The following HS6ST3 variants were observed in gnomAD, a reference collection of about 807,000 sequenced individuals.
HS6ST3 encodes the protein heparan sulfate 6-O-sulfotransferase 3.
In HS6ST3, 12 loss-of-function variants were observed where a neutral mutation model predicts 36.7. The ratio of observed to expected loss-of-function variants is 0.33; its 90% CI spans 0.21 to 0.53. The LOEUF is 0.53. Ranked by LOEUF, HS6ST3 falls within the 20% of genes least tolerant of loss-of-function variation. The probability of loss-of-function intolerance (pLI) is 0.95; values close to 1 mark genes in which losing one functional copy is unlikely to be tolerated. For missense variants in HS6ST3, 584 were observed against 640.9 expected (o/e 0.91, Z 0.96); for synonymous variants, 240 against 257.5 (o/e 0.93, Z 0.65).
intron 1 of HS6ST3, among the ~76,000 whole-genome samples, chr13:96,325,249 G>T (rs975325666): frequency 1.3e-5 from 2 of 152,102 alleles, no homozygotes; most frequent in Admixed American, 1.3e-4. Context: ...TTGAAATGCA[G>T]TTATATAAAT....
intron 1 of HS6ST3, among the ~76,000 whole-genome samples, chr13:96,801,877 T>C (rs1878081777): frequency 6.6e-6 from 1 of 152,132 alleles, no homozygotes; most frequent in African/African-American, 2.4e-5. Context: ...TAATGGGATT[T>C]ATCATCTCAC....
chr13:96,797,377 T>A (rs1400207196), intron 1 of HS6ST3, among the ~76,000 whole-genome samples: 1 of 152,072 alleles, frequency 6.6e-6, no homozygotes, highest in Non-Finnish European at 1.5e-5. Context: ...TGTAAACCCC[T>A]GGAGTAGCTC....
chr13:96,130,834 C>T (rs2053971925), intron 1 of HS6ST3, among the ~76,000 whole-genome samples: 1 of 145,962 alleles, frequency 6.9e-6, no homozygotes, highest in Non-Finnish European at 1.5e-5. Context: ...GAACTTCCTC[C>T]TTCAATTATT....
chr13:96,643,536 A>G (rs992061232), intron 1 of HS6ST3, among the ~76,000 whole-genome samples: 1 of 151,880 alleles, frequency 6.6e-6, no homozygotes, highest in African/African-American at 2.4e-5. Flanking sequence ...GGTAGTAGTT[A>G]AAATTTAAAC....
At chr13:96,126,300 C>T (rs1218146127) in intron 1 of HS6ST3, among the ~76,000 whole-genome samples, 2 of 152,180 alleles carry the variant, frequency 1.3e-5, no homozygotes, top group South Asian at 2.1e-4. Flanking sequence ...CGCTTGGTCT[C>T]CTCCAGCACC....
chr13:96,198,256 G>A (rs892793315), intron 1 of HS6ST3, among the ~76,000 whole-genome samples: 43 of 152,156 alleles, frequency 2.8e-4, no homozygotes, highest in Admixed American at 2.4e-3. Context: ...CCACGAAACC[G>A]CTTTTTCCTC....
chr13:96,673,486 T>C (rs1465593426), intron 1 of HS6ST3, among the ~76,000 whole-genome samples: 1 of 152,170 alleles, frequency 6.6e-6, no homozygotes, highest in Admixed American at 6.5e-5. Flanking sequence ...AATCATTTTG[T>C]TTTGTAGGCA....
At chr13:96,716,740 T>G (rs759859355) in intron 1 of HS6ST3, among the ~76,000 whole-genome samples, 6 of 152,244 alleles carry the variant, frequency 3.9e-5, no homozygotes, top group Non-Finnish European at 8.8e-5. Flanking sequence ...TATCTCTAGC[T>G]GTTTTATTTC....
At chr13:96,512,806 G>C (rs760651154) in intron 1 of HS6ST3, among the ~76,000 whole-genome samples, 2 of 151,648 alleles carry the variant, frequency 1.3e-5, no homozygotes, top group Non-Finnish European at 2.9e-5. Context: ...TTTTCTGTGG[G>C]TAATTATATC....
chr13:96,331,081 C>A (rs1377322273), intron 1 of HS6ST3, among the ~76,000 whole-genome samples: 37 of 152,188 alleles, frequency 2.4e-4, no homozygotes, highest in Non-Finnish European at 3.4e-4. Flanking sequence ...GTTATACATT[C>A]TGTTAAATTT....
chr13:96,234,153 T>C (rs890948394), intron 1 of HS6ST3, among the ~76,000 whole-genome samples: 1 of 151,396 alleles, frequency 6.6e-6, no homozygotes, highest in Non-Finnish European at 1.5e-5. Context: ...CTCACGCCTG[T>C]AATCCCAGCA....
chr13:96,389,322 C>G (rs759298840), intron 1 of HS6ST3, among the ~76,000 whole-genome samples: 2 of 151,870 alleles, frequency 1.3e-5, no homozygotes, highest in Non-Finnish European at 2.9e-5. Flanking sequence ...ACTATAGTAA[C>G]GATTTTACTA....
intron 1 of HS6ST3, among the ~76,000 whole-genome samples, chr13:96,363,657 C>T (rs1295172040): frequency 6.6e-6 from 1 of 151,978 alleles, no homozygotes; most frequent in Non-Finnish European, 1.5e-5. Context: ...TCTTTTTAGA[C>T]CATCACCACA....
At chr13:96,727,490 C>A (rs1228787740) in intron 1 of HS6ST3, among the ~76,000 whole-genome samples, 1 of 152,092 alleles carries the variant, frequency 6.6e-6, no homozygotes. Context: ...CATCCCTTTT[C>A]TCCTACAATC....
chr13:96,245,548 C>A (rs1594729791), intron 1 of HS6ST3, among the ~76,000 whole-genome samples: 1 of 152,264 alleles, frequency 6.6e-6, no homozygotes, highest in East Asian at 1.9e-4. Context: ...GGTCCTCTTT[C>A]TAGACCCTAT....
intron 1 of HS6ST3, among the ~76,000 whole-genome samples, chr13:96,474,476 T>C (rs2055853840): frequency 6.6e-6 from 1 of 152,208 alleles, no homozygotes; most frequent in South Asian, 2.1e-4. Context: ...CAGTGCTAAC[T>C]CGGTGTGGGT....
intron 1 of HS6ST3, among the ~76,000 whole-genome samples, chr13:96,688,213 T>TATAATAATAATA (rs536989647): frequency 0.24 from 18,013 of 73,832 alleles, 1,348 homozygotes; most frequent in Non-Finnish European, 0.34. Flanking sequence ...GAACTTAAAG[T>TATAATAATAATA]ATAATAATAA....
At chr13:96,298,337 A>T (rs749899724) in intron 1 of HS6ST3, among the ~76,000 whole-genome samples, 1 of 152,250 alleles carries the variant, frequency 6.6e-6, no homozygotes, top group Non-Finnish European at 1.5e-5. Flanking sequence ...CAAAACACAT[A>T]GCATGTGATG....
chr13:96,396,310 TTTTG>T (rs945133875), intron 1 of HS6ST3, among the ~76,000 whole-genome samples: 12 of 112,078 alleles, frequency 1.1e-4, no homozygotes, highest in African/African-American at 1.8e-4. Flanking sequence ...GGAGACTCTG[TTTTG>T]TTTGTTTGTT....
Sources: allele counts gnomAD v4.1 joint callset (sites outside exome capture counted in the v4.1 genomes callset), GRCh38; gene constraint gnomAD v4.1.1; transcripts MANE v1.5; gene names NCBI Gene and HGNC (gene_info 2026-07-23, HGNC 2026-07-21).